NEK10: variants seen among roughly 807,000 people sequenced by gnomAD.
NEK10 encodes serine/threonine-protein kinase Nek10.
In NEK10, 122 loss-of-function variants were observed where a neutral mutation model predicts 159.8. The ratio of observed to expected loss-of-function variants is 0.76; its 90% CI spans 0.66 to 0.89. The LOEUF (loss-of-function observed/expected upper bound fraction) is 0.89, where lower values mean the gene tolerates loss of function less well. Among genes scored for constraint, NEK10 ranks in the 40% least tolerant of loss-of-function variants. The pLI is 0.00. For synonymous variants in NEK10, 466 were observed against 457.1 expected, an observed-to-expected ratio of 1.02 and a Z score of -0.25; for missense variants, 1,342 against 1,323.1, an observed-to-expected ratio of 1.01 and a Z score of -0.22.
At chr3:27,153,123 A>G (rs924666024) in intron 30 of NEK10, among the ~76,000 whole-genome samples, 12 of 152,118 alleles carry the variant, frequency 7.9e-5, no homozygotes, top group African/African-American at 2.9e-4. Flanking sequence ...GATCGAGACT[A>G]TCCTGGCTAA....
At chr3:27,243,830 GGT>G (rs56720203) in intron 23 of NEK10, among the ~76,000 whole-genome samples, 29,689 of 148,040 alleles carry the variant, frequency 0.2, 5,577 homozygotes, top group African/African-American at 0.51. Flanking sequence ...TGACACCATG[GGT>G]GTGTGTGTGT....
chr3:27,229,073 A>G (rs1257157973), intron 23 of NEK10, among the ~76,000 whole-genome samples: 1 of 152,170 alleles, frequency 6.6e-6, no homozygotes, highest in Non-Finnish European at 1.5e-5. Context: ...AGTAAATAAA[A>G]TACTAGGGGA....
At chr3:27,275,741 T>C (rs901767260) in intron 22 of NEK10, among the ~76,000 whole-genome samples, 1 of 152,170 alleles carries the variant, frequency 6.6e-6, no homozygotes, top group Non-Finnish European at 1.5e-5. Flanking sequence ...ACTAACTCTT[T>C]TTTTTATATA....
intron 23 of NEK10, among the ~76,000 whole-genome samples, chr3:27,237,992 T>G (rs915630962): frequency 2.6e-5 from 4 of 152,192 alleles, no homozygotes; most frequent in African/African-American, 9.6e-5. Flanking sequence ...GTAAATACTA[T>G]AGCCAATAAC....
chr3:27,290,812 A>G lies in NEK10; in HGVS notation c.1606-58T>C. ...GGAACAGGGTAAAGAAGGAGAAGAG[A>G]GAAAGAGGAAGAAAGAGATAGACTA... On this transcript the variant is annotated intron_variant, in intron 18 of 35. Transcript: ENST00000691995. The G allele has an allele frequency of 3.2e-6, 4 of 1,252,334 alleles. No homozygotes were observed. In the Admixed American group the frequency reaches 9.0e-5, roughly 28 times the overall value. The allele number at this position is 1,252,334 out of a possible 1,614,324, so 77.6% of individuals were successfully genotyped here. A position where few individuals can be genotyped will look rare whatever the true frequency, so the allele number is the denominator to read the frequency against.
chr3:27,346,135 G>A lies in NEK10; in HGVS notation c.214C>T (p.Arg72Trp), dbSNP rs374317588. 1.2e-5 allele frequency: 19 copies of A among 1,613,718 alleles called. No individual in the cohort carries two copies. Among genetic ancestry groups the A allele is most frequent in the African/African-American group, 1.3e-5 (1 of 75,018 alleles). ...TCTGTGGATTCATGCCACTGACCCC[G>A]AGCTCTGTGTCCACCCGCCCTGATG... ...PAIRAGGHRA[R>W]GQWHESTEAV... The change falls in exon 4 of 36, where the codon CGG becomes TGG. Residue 72 changes from arginine (R) to tryptophan (W), a missense_variant. Arg to Trp is a moderately radical substitution (Grantham distance 101). Transcript: ENST00000691995.
At chr3:27,231,468 A>G (rs1374845439) in intron 23 of NEK10, among the ~76,000 whole-genome samples, 1 of 151,930 alleles carries the variant, frequency 6.6e-6, no homozygotes, top group Non-Finnish European at 1.5e-5. Flanking sequence ...TTAAACCCAA[A>G]CCCAGCAGAA....
At chr3:27,286,545 CTT>C (rs36101281) in intron 20 of NEK10, among the ~76,000 whole-genome samples, 2 of 65,020 alleles carry the variant, frequency 3.1e-5, no homozygotes, top group Admixed American at 2.3e-4. Flanking sequence ...CCACGCCCAG[CTT>C]TTTTTTTTTT....
chr3:27,217,652 G>T (rs983517661), intron 23 of NEK10, among the ~76,000 whole-genome samples: 3 of 152,062 alleles, frequency 2.0e-5, no homozygotes, highest in Non-Finnish European at 2.9e-5. Context: ...ATTCTGTGAG[G>T]TCAGTATTAA....
intron 29 of NEK10, among the ~76,000 whole-genome samples, chr3:27,171,213 C>T (rs1263880094): frequency 6.6e-6 from 1 of 152,222 alleles, no homozygotes; most frequent in Non-Finnish European, 1.5e-5. Flanking sequence ...GTCACTGACA[C>T]AGCTAGCTGT....
chr3:27,149,038 T>G (rs1944580571), intron 30 of NEK10, among the ~76,000 whole-genome samples: 1 of 151,934 alleles, frequency 6.6e-6, no homozygotes, highest in Non-Finnish European at 1.5e-5. Flanking sequence ...AAATAATCAT[T>G]GGTAAAGGAA....
At chr3:27,188,775 G>A (rs1948853920) in intron 26 of NEK10, among the ~76,000 whole-genome samples, 1 of 152,086 alleles carries the variant, frequency 6.6e-6, no homozygotes, top group Non-Finnish European at 1.5e-5. Flanking sequence ...TAATTCTAAT[G>A]GAATTGAAGT....
chr3:27,325,567 C>A lies in NEK10; in HGVS notation c.363-3306G>T, dbSNP rs145834106. 7.9e-5 allele frequency among the ~76,000 whole-genome samples: 12 copies of A among 152,238 alleles called. No homozygotes were observed. The East Asian group carries it at 1.9e-3, about 25-fold the overall frequency. On this transcript the variant is annotated intron_variant, in intron 5 of 35. Coordinates refer to ENST00000691995, the MANE Select transcript of NEK10 (RefSeq NM_001394966.1). Reference sequence around the variant, plus strand: ...CGTCTCAAACCTGAGTGAATGAGAACCATCTTCCTCAAAGTTAGGATGAAC... The same window carrying A: ...CGTCTCAAACCTGAGTGAATGAGAAACATCTTCCTCAAAGTTAGGATGAAC...
chr3:27,167,183 G>A (rs1946563387), intron 29 of NEK10, among the ~76,000 whole-genome samples: 2 of 151,888 alleles, frequency 1.3e-5, no homozygotes, highest in South Asian at 2.1e-4. Flanking sequence ...AAAAAAATGT[G>A]CCTTAAGCTG....
In NEK10 at chr3:27,206,923, G is replaced by A. The variant is rs187266359; in HGVS notation, c.2091-4366C>T. ...AAGCCCTGGGCCTGTGACTGTCTTT[G>A]CCCCCACATGACTTCCTGGGAAACA... On this transcript the variant is annotated intron_variant, in intron 23 of 35. Transcript: ENST00000691995. Among the ~76,000 whole-genome samples, 1,313 of 152,202 alleles carry A rather than the reference G, an allele frequency of 8.6e-3. 5 individuals carry two copies. Among genetic ancestry groups the A allele is most frequent in the South Asian group, 0.015 (70 of 4,818 alleles).
chr3:27,269,559 T>C (rs1239955653), intron 22 of NEK10, among the ~76,000 whole-genome samples: 1 of 152,206 alleles, frequency 6.6e-6, no homozygotes, highest in Non-Finnish European at 1.5e-5. Context: ...TGTGCCTAAA[T>C]TGCTTTTTAG....
chr3:27,300,352 G>T (rs2043714568), intron 13 of NEK10, among the ~76,000 whole-genome samples: 1 of 152,092 alleles, frequency 6.6e-6, no homozygotes, highest in Non-Finnish European at 1.5e-5. Context: ...CGTAAGATGT[G>T]ACTTGCTTCT....
At chr3:27,196,245 C>T (rs9815052) in intron 25 of NEK10, among the ~76,000 whole-genome samples, 2,801 of 152,262 alleles carry the variant, frequency 0.018, 50 homozygotes, top group African/African-American at 0.045. Flanking sequence ...TCAAGTACCC[C>T]CTGCCTGCTC....
At chr3:27,120,809 C>G (rs565376797) in intron 32 of NEK10, among the ~76,000 whole-genome samples, 5 of 152,208 alleles carry the variant, frequency 3.3e-5, no homozygotes, top group Admixed American at 1.3e-4. Flanking sequence ...AGACCGTAAA[C>G]GTTTTTCAAC....
Sources: gnomAD v4.1 joint callset for allele counts (sites outside exome capture counted in the v4.1 genomes callset) on GRCh38, gnomAD v4.1.1 for gene constraint, MANE v1.5 for transcripts, NCBI Gene and HGNC (gene_info 2026-07-23, HGNC 2026-07-21) for gene names.